Variants in AFF3 observed in about 807,000 individuals in gnomAD.
AFF3 encodes the protein ALF transcription elongation factor 3.
Under a neutral mutation model 129.7 loss-of-function variants are expected in AFF3, and 32 were observed. The observed-to-expected ratio is 0.25, with a 90% CI of 0.19 to 0.33. The LOEUF is 0.33. AFF3 is among the 10% of genes least tolerant of loss of function. The pLI, the probability that AFF3 is intolerant of heterozygous loss-of-function variation, is 1.00. For missense variants in AFF3, 1,373 were observed against 1,592.0 expected (o/e 0.86, Z 2.34); for synonymous variants, 644 against 635.4 (o/e 1.01, Z -0.20).
intron 20 of AFF3, among the ~76,000 whole-genome samples, chr2:99,564,874 GC>G (rs2104618210): frequency 6.6e-6 from 1 of 152,304 alleles, no homozygotes; most frequent in East Asian, 1.9e-4. Context: ...TCTCAGTAGG[GC>G]TAATGGATGA....
chr2:99,805,622 G>C (rs537297173), intron 8 of AFF3, among the ~76,000 whole-genome samples: 1 of 152,080 alleles, frequency 6.6e-6, no homozygotes, highest in South Asian at 2.1e-4. Flanking sequence ...CACCACAGCC[G>C]AGTATGCTCT....
chr2:99,631,873 G>A (rs967452094), intron 13 of AFF3, among the ~76,000 whole-genome samples: 2 of 152,122 alleles, frequency 1.3e-5, no homozygotes, highest in African/African-American at 4.8e-5. Context: ...AACCAAAAGT[G>A]GAATTGCTTG....
intron 7 of AFF3, among the ~76,000 whole-genome samples, chr2:99,872,384 G>A (rs1691935888): frequency 6.6e-6 from 1 of 151,758 alleles, no homozygotes; most frequent in Non-Finnish European, 1.5e-5. Context: ...GATTTCAAAC[G>A]ATGTGGAGAC....
chr2:99,716,893 T>G (rs202143064), intron 11 of AFF3, among the ~76,000 whole-genome samples: 1 of 21,866 alleles, frequency 4.6e-5, no homozygotes, highest in Admixed American at 5.0e-4. Context: ...AAAAAAAAAA[T>G]ATATATATAT....
intron 4 of AFF3, among the ~76,000 whole-genome samples, chr2:100,053,820 A>T (rs1024224821): frequency 1.3e-5 from 2 of 152,142 alleles, no homozygotes; most frequent in Non-Finnish European, 2.9e-5. Flanking sequence ...TTAAAGGATT[A>T]AGTAGTATTT....
intron 7 of AFF3, among the ~76,000 whole-genome samples, chr2:99,965,819 G>A (rs533149516): frequency 8.5e-5 from 13 of 152,180 alleles, no homozygotes; most frequent in East Asian, 1.9e-4. Context: ...TCAAGATGAC[G>A]GACATTCTTT....
intron 20 of AFF3, among the ~76,000 whole-genome samples, chr2:99,563,357 A>G (rs1675657471): frequency 6.6e-6 from 1 of 151,354 alleles, no homozygotes; most frequent in South Asian, 2.1e-4. Context: ...CGCCCGGCTA[A>G]TTTTTTGTAT....
At chr2:99,729,610 A>C (rs1679643651) in intron 10 of AFF3, among the ~76,000 whole-genome samples, 1 of 152,204 alleles carries the variant, frequency 6.6e-6, no homozygotes, top group Non-Finnish European at 1.5e-5. Flanking sequence ...AAATTTCTGA[A>C]GTTAACTTGA....
chr2:99,780,408 C>T (rs1287857605), intron 8 of AFF3, among the ~76,000 whole-genome samples: 3 of 152,182 alleles, frequency 2.0e-5, no homozygotes, highest in Non-Finnish European at 4.4e-5. Context: ...ATCCTTCTCA[C>T]CTTCCTGATT....
At chr2:99,713,971 G>C (rs1331785334) in intron 11 of AFF3, among the ~76,000 whole-genome samples, 1 of 152,136 alleles carries the variant, frequency 6.6e-6, no homozygotes, top group African/African-American at 2.4e-5. Flanking sequence ...AAAGTGCTGG[G>C]ATTACAGGGG....
At chr2:99,890,715 C>T (rs772478713) in intron 7 of AFF3, among the ~76,000 whole-genome samples, 8 of 152,122 alleles carry the variant, frequency 5.3e-5, no homozygotes, top group Non-Finnish European at 1.0e-4. Context: ...CAGGCTTTGA[C>T]GTGCACCACT....
chr2:100,138,877 G>C (rs373082872), intron 1 of AFF3, among the ~76,000 whole-genome samples: 20 of 150,244 alleles, frequency 1.3e-4, no homozygotes, highest in Non-Finnish European at 2.7e-4. Context: ...CCCAGGAGGC[G>C]GAGGCTGCAG....
At chr2:99,554,868 G>A in intron 22 of AFF3, 136 bp from the exon 23 acceptor site, 1 of 921,476 alleles carries the variant, frequency 1.1e-6, no homozygotes, top group Non-Finnish European at 1.7e-6. Flanking sequence ...AGAGAAACTG[G>A]ACCTGGGAAG....
At chr2:100,017,363 G>T (rs1475929481) in intron 4 of AFF3, among the ~76,000 whole-genome samples, 1 of 151,948 alleles carries the variant, frequency 6.6e-6, no homozygotes, top group African/African-American at 2.4e-5. Flanking sequence ...TTACTTGTTT[G>T]TCTCTGACCA....
At chr2:99,626,375 CCTTCCTCCCTCCCTT>C (rs1165115593) in intron 13 of AFF3, among the ~76,000 whole-genome samples, 3 of 145,050 alleles carry the variant, frequency 2.1e-5, no homozygotes, top group South Asian at 2.3e-4. Flanking sequence ...TTCCTCCCTT[CCTTCCTCCCTCCCTT>C]CTTCCTCCCT....
intron 8 of AFF3, among the ~76,000 whole-genome samples, chr2:99,836,088 T>A (rs1410064981): frequency 6.6e-6 from 1 of 152,174 alleles, no homozygotes; most frequent in Non-Finnish European, 1.5e-5. Flanking sequence ...GAGAACAGAA[T>A]AGGAAGGTCA....
At chr2:99,631,043 C>T in intron 13 of AFF3, 1 of 452,926 alleles carries the variant, frequency 2.2e-6, no homozygotes, top group Non-Finnish European at 4.6e-6. Context: ...CTGTGAGCTG[C>T]TGCAGGGAGG....
chr2:99,698,918 T>A (rs894095050), intron 11 of AFF3, among the ~76,000 whole-genome samples: 8 of 152,190 alleles, frequency 5.3e-5, no homozygotes. Context: ...AATATTTACA[T>A]TTAAATAGAA....
At chr2:99,862,005 T>C (rs1221927016) in intron 7 of AFF3, among the ~76,000 whole-genome samples, 1 of 152,192 alleles carries the variant, frequency 6.6e-6, no homozygotes, top group Non-Finnish European at 1.5e-5. Flanking sequence ...AGGGAACTGC[T>C]GCAGATTTAG....
Sources: allele counts gnomAD v4.1 joint callset (sites outside exome capture counted in the v4.1 genomes callset), GRCh38; gene constraint gnomAD v4.1.1; transcripts MANE v1.5; gene names NCBI Gene and HGNC (gene_info 2026-07-23, HGNC 2026-07-21).